RGPD2: variants seen among roughly 807,000 people sequenced by gnomAD.
RGPD2 encodes the protein RANBP2 like and GRIP domain containing 2.
RGPD2 carries 2 observed loss-of-function variants against 36.0 expected under a neutral mutation model. That is an observed-to-expected ratio of 0.06 (90% CI 0.02 to 0.17). The LOEUF (loss-of-function observed/expected upper bound fraction) is 0.17. RGPD2 is among the 10% of genes least tolerant of loss of function. RGPD2 has a pLI of 1.00. For missense variants in RGPD2, 40 were observed against 464.3 expected, an observed-to-expected ratio of 0.09 and a Z score of 8.40; for synonymous variants, 19 against 163.8, an observed-to-expected ratio of 0.12 and a Z score of 6.75.
At chr2:87,939,988 A>G in the RGPD2 span, among the ~76,000 whole-genome samples, 33 of 152,236 alleles carry the variant, frequency 2.2e-4, no homozygotes, top group African/African-American at 5.1e-4. Context: ...AAACAAAGAA[A>G]CGAAACTAGC....
chr2:87,863,734 A>G, the RGPD2 span, among the ~76,000 whole-genome samples: 1 of 152,026 alleles, frequency 6.6e-6, no homozygotes, highest in African/African-American at 2.4e-5. Flanking sequence ...ATATGTATAT[A>G]TGTAAAGCAA....
the RGPD2 span, among the ~76,000 whole-genome samples, chr2:87,986,122 G>A: frequency 7.3e-6 from 1 of 136,886 alleles, no homozygotes; most frequent in Non-Finnish European, 1.6e-5. Context: ...GGCTTGAAAG[G>A]GGTCTGAAGA....
intron 1 of RGPD2, 109 bp from the exon 2 acceptor site, chr2:87,818,732 A>AT (rs1448621118): frequency 1.8e-6 from 1 of 565,754 alleles, no homozygotes; most frequent in African/African-American, 1.9e-5. Flanking sequence ...TGCCATTTTC[A>AT]TTCACTTAAA....
chr2:87,897,044 A>C, the RGPD2 span, among the ~76,000 whole-genome samples: 1 of 152,300 alleles, frequency 6.6e-6, no homozygotes, highest in African/African-American at 2.4e-5. Context: ...TTCCGCATGA[A>C]AAGCCAGTTA....
the RGPD2 span, among the ~76,000 whole-genome samples, chr2:87,960,119 GTT>G: frequency 1.4e-5 from 2 of 147,514 alleles, no homozygotes; most frequent in Non-Finnish European, 3.0e-5. Context: ...ACATAGTCGT[GTT>G]TGTCTCCCTC....
At chr2:87,830,639 T>A (rs1368828647), upstream of RGPD2, among the ~76,000 whole-genome samples, 1 of 152,086 alleles carries the variant, frequency 6.6e-6, no homozygotes, top group Non-Finnish European at 1.5e-5. Flanking sequence ...ACTGGGTAAT[T>A]TATAAAGAAA....
the RGPD2 span, among the ~76,000 whole-genome samples, chr2:87,976,024 G>GA: frequency 8.0e-5 from 12 of 150,188 alleles, no homozygotes; most frequent in South Asian, 4.3e-4. Flanking sequence ...GAGGTTGGGG[G>GA]AAAAAAAGAG....
chr2:87,771,917 A>G (rs1685137113), intron 22 of RGPD2, among the ~76,000 whole-genome samples: 2 of 152,350 alleles, frequency 1.3e-5, no homozygotes, highest in Non-Finnish European at 2.9e-5. Context: ...TAAAAATCCA[A>G]TTTTCAAAGA....
chr2:87,843,806 C>T, the RGPD2 span, among the ~76,000 whole-genome samples: 6 of 151,938 alleles, frequency 3.9e-5, no homozygotes, highest in East Asian at 9.7e-4. Flanking sequence ...AGACTTGGAA[C>T]CAACCCAAAT....
chr2:87,867,552 GAAAC>G, the RGPD2 span, among the ~76,000 whole-genome samples: 2 of 150,412 alleles, frequency 1.3e-5, no homozygotes, highest in Non-Finnish European at 3.0e-5. Context: ...TAAAAATTTA[GAAAC>G]AAACAAACAT....
At chr2:87,869,752 C>A in the RGPD2 span, among the ~76,000 whole-genome samples, 2 of 152,188 alleles carry the variant, frequency 1.3e-5, no homozygotes, top group Non-Finnish European at 2.9e-5. Context: ...ATTTCGAACA[C>A]CTCTCTACAA....
At chr2:87,887,158 C>T in the RGPD2 span, among the ~76,000 whole-genome samples, 1 of 151,764 alleles carries the variant, frequency 6.6e-6, no homozygotes, top group Non-Finnish European at 1.5e-5. Context: ...AAGGCCAAGA[C>T]TGTGTGCTTT....
At chr2:87,916,873 C>A in the RGPD2 span, among the ~76,000 whole-genome samples, 13 of 151,704 alleles carry the variant, frequency 8.6e-5, no homozygotes, top group African/African-American at 3.1e-4. Context: ...ATGTACCCAA[C>A]GGATGAACGA....
chr2:87,939,689 T>G, the RGPD2 span, among the ~76,000 whole-genome samples: 83 of 151,854 alleles, frequency 5.5e-4, no homozygotes, highest in African/African-American at 1.9e-3. Context: ...CCAATGAAGA[T>G]GATGACAGCC....
At chr2:87,989,692 T>C in the RGPD2 span, 2 of 924,044 alleles carry the variant, frequency 2.2e-6, no homozygotes, top group African/African-American at 1.7e-5. Context: ...ATGTTTGTAC[T>C]TACTAGGGTG....
At chr2:87,905,840 T>C in the RGPD2 span, among the ~76,000 whole-genome samples, 3 of 91,552 alleles carry the variant, frequency 3.3e-5, no homozygotes, top group African/African-American at 1.1e-4. Flanking sequence ...GATTTTTATA[T>C]TGAGAAATAT....
the RGPD2 span, among the ~76,000 whole-genome samples, chr2:87,944,875 G>A: frequency 1.4e-5 from 2 of 140,960 alleles, no homozygotes; most frequent in African/African-American, 5.8e-5. Flanking sequence ...ATAAACAAAA[G>A]AAAGGCTCTT....
chr2:87,905,378 A>G, the RGPD2 span, among the ~76,000 whole-genome samples: 3 of 152,276 alleles, frequency 2.0e-5, no homozygotes, highest in Non-Finnish European at 1.5e-5. Context: ...GAGCATCCTG[A>G]TAGGAAATTT....
chr2:87,873,177 C>T, the RGPD2 span, among the ~76,000 whole-genome samples: 1 of 151,736 alleles, frequency 6.6e-6, no homozygotes, highest in Non-Finnish European at 1.5e-5. Flanking sequence ...AATCTCATTC[C>T]CTTTTTATGG....
Sources: allele counts gnomAD v4.1 joint callset (sites outside exome capture counted in the v4.1 genomes callset), GRCh38; gene constraint gnomAD v4.1.1; transcripts MANE v1.5; gene names NCBI Gene and HGNC (gene_info 2026-07-23, HGNC 2026-07-21).